FAT3: variants seen among roughly 807,000 people sequenced by gnomAD.
The protein encoded by FAT3 is FAT atypical cadherin 3, also known as protocadherin Fat 3.
In FAT3, 95 loss-of-function variants were observed where a neutral mutation model predicts 310.2. The ratio of observed to expected loss-of-function variants is 0.31; its 90% CI spans 0.26 to 0.36. The LOEUF (loss-of-function observed/expected upper bound fraction) is 0.36, where lower values mean the gene tolerates loss of function less well. Ranked by LOEUF, FAT3 falls within the 10% of genes least tolerant of loss-of-function variation. FAT3 has a pLI of 1.00. For missense variants in FAT3, 5,408 were observed against 5,715.6 expected, an observed-to-expected ratio of 0.95 and a Z score of 1.74; for synonymous variants, 2,314 against 2,192.9, an observed-to-expected ratio of 1.06 and a Z score of -1.54.
At chr11:92,880,506 G>A (rs1949648981) in intron 22 of FAT3, among the ~76,000 whole-genome samples, 1 of 151,954 alleles carries the variant, frequency 6.6e-6, no homozygotes, top group African/African-American at 2.4e-5. Flanking sequence ...ATTCATGTAT[G>A]TGGTTAATTA....
At chr11:92,336,919 T>C (rs550614920) in intron 1 of FAT3, among the ~76,000 whole-genome samples, 2 of 152,272 alleles carry the variant, frequency 1.3e-5, no homozygotes, top group Admixed American at 1.3e-4. Context: ...TATAATAGTA[T>C]TATAACCACT....
Position 92,634,796 on chromosome 11 carries a change from G to A in FAT3, c.3608-62588G>A, listed in dbSNP as rs367560816. Among the ~76,000 whole-genome samples, 35 of 152,298 alleles carry A rather than the reference G, an allele frequency of 2.3e-4. No individual in the cohort carries two copies. In the East Asian group the frequency reaches 2.7e-3, roughly 12 times the overall value. ...CCCCAAAAATTCATATGCTGAAGCC[G>A]AGCCCCCAGTGTGGCTGTATTTGGA... On this transcript the variant is annotated intron_variant, in intron 3 of 27. Transcript: ENST00000525166.
At chr11:92,710,560 T>C (rs1944489676) in intron 4 of FAT3, among the ~76,000 whole-genome samples, 3 of 152,216 alleles carry the variant, frequency 2.0e-5, no homozygotes, top group African/African-American at 2.4e-5. Context: ...GAATTAGAGA[T>C]GCGCTTGTTT....
intron 19 of FAT3, among the ~76,000 whole-genome samples, chr11:92,856,684 A>G (rs1948986920): frequency 6.6e-6 from 1 of 152,190 alleles, no homozygotes; most frequent in Non-Finnish European, 1.5e-5. Flanking sequence ...GGGATTAGGA[A>G]ACAATGTGAG....
At chr11:92,491,138 G>C (rs779042693) in intron 2 of FAT3, among the ~76,000 whole-genome samples, 1 of 151,970 alleles carries the variant, frequency 6.6e-6, no homozygotes, top group Non-Finnish European at 1.5e-5. Flanking sequence ...TTTAATGATT[G>C]ATTCCTCTAC....
chr11:92,281,952 C>A (rs1249528478), intron 1 of FAT3, among the ~76,000 whole-genome samples: 2 of 152,080 alleles, frequency 1.3e-5, no homozygotes, highest in African/African-American at 4.8e-5. Flanking sequence ...CTTGCCCAGA[C>A]TAGAGTGCAG....
At chr11:92,551,018 C>A (rs913465133) in intron 3 of FAT3, among the ~76,000 whole-genome samples, 2 of 151,858 alleles carry the variant, frequency 1.3e-5, no homozygotes, top group Non-Finnish European at 2.9e-5. Flanking sequence ...CGCCCAGTCC[C>A]CGTATTCTGA....
At chr11:92,276,594 A>G (rs1374131207) in intron 1 of FAT3, among the ~76,000 whole-genome samples, 1 of 152,126 alleles carries the variant, frequency 6.6e-6, no homozygotes, top group Non-Finnish European at 1.5e-5. Flanking sequence ...TGCCAGGGGA[A>G]GAACTTCCCC....
chr11:92,560,273 A>G (rs377589178), intron 3 of FAT3, among the ~76,000 whole-genome samples: 1 of 152,160 alleles, frequency 6.6e-6, no homozygotes, highest in African/African-American at 2.4e-5. Flanking sequence ...CTGTTTAAGT[A>G]CTTCAAAATT....
At chr11:92,426,775 G>T (rs1950643928) in intron 2 of FAT3, among the ~76,000 whole-genome samples, 1 of 152,148 alleles carries the variant, frequency 6.6e-6, no homozygotes, top group Admixed American at 6.5e-5. Flanking sequence ...TTTGGTTACT[G>T]TAGCCTTGTA....
intron 3 of FAT3, among the ~76,000 whole-genome samples, chr11:92,690,576 AT>A (rs1159568730): frequency 6.6e-6 from 1 of 152,002 alleles, no homozygotes; most frequent in Admixed American, 6.5e-5. Context: ...TTGTATATAT[AT>A]TTTTTTCTTT....
At chr11:92,816,121 TG>T (rs1310105555) in intron 13 of FAT3, among the ~76,000 whole-genome samples, 1 of 152,202 alleles carries the variant, frequency 6.6e-6, no homozygotes, top group Non-Finnish European at 1.5e-5. Flanking sequence ...TGCTAAGAGT[TG>T]GGACTTGAAC....
chr11:92,588,329 A>G (rs1234788891), intron 3 of FAT3, among the ~76,000 whole-genome samples: 4 of 151,862 alleles, frequency 2.6e-5, no homozygotes, highest in East Asian at 1.9e-4. Flanking sequence ...CAGGGCAGAG[A>G]TGAATTTTTT....
chr11:92,857,317 G>A lies in FAT3; in HGVS notation c.11469G>A (p.Gln3823=), dbSNP rs545125260. 4.3e-5 allele frequency: 69 copies of A among 1,614,020 alleles called. No individual in the cohort carries two copies. The highest frequency in any genetic ancestry group is 5.4e-5 in the Non-Finnish European group (64 of 1,179,890). The change falls in exon 20 of 28, where the codon CAG becomes CAA. Residue 3823 remains glutamine, a synonymous_variant. Coordinates refer to ENST00000525166, the MANE Select transcript of FAT3 (RefSeq NM_001367949.2). ...CCAGCAGGAGACCGTTCCTCTGCCA[G>A]TGTCCACCAGGGAAGCTCGGAGAGT... The part of the protein sequence containing the change: ...YEASRRPFLC[Q]CPPGKLGECS...
At chr11:92,594,805 T>C (rs1939619097) in intron 3 of FAT3, among the ~76,000 whole-genome samples, 1 of 152,192 alleles carries the variant, frequency 6.6e-6, no homozygotes, top group South Asian at 2.1e-4. Flanking sequence ...CTACCCTTGA[T>C]ATTTGCTGCC....
chr11:92,485,371 A>G (rs936634711), intron 2 of FAT3, among the ~76,000 whole-genome samples: 2 of 152,164 alleles, frequency 1.3e-5, no homozygotes, highest in African/African-American at 4.8e-5. Flanking sequence ...AGGGAGACTG[A>G]AGTGCCCCAA....
chr11:92,390,090 T>C (rs1177523006), intron 2 of FAT3, among the ~76,000 whole-genome samples: 2 of 152,176 alleles, frequency 1.3e-5, no homozygotes, highest in African/African-American at 4.8e-5. Flanking sequence ...AGCAAAGTTT[T>C]TGATCTTAAG....
intron 3 of FAT3, among the ~76,000 whole-genome samples, chr11:92,527,789 T>A (rs1953920187): frequency 6.6e-6 from 1 of 152,212 alleles, no homozygotes; most frequent in South Asian, 2.1e-4. Context: ...TTTTCAGTAA[T>A]GAAGCTGGAT....
At chr11:92,386,174 C>G (rs923013510) in intron 2 of FAT3, among the ~76,000 whole-genome samples, 1 of 152,150 alleles carries the variant, frequency 6.6e-6, no homozygotes, top group Non-Finnish European at 1.5e-5. Context: ...CTCATCCTTT[C>G]TACCACCACT....
Sources: gnomAD v4.1 joint callset for allele counts (sites outside exome capture counted in the v4.1 genomes callset) on GRCh38, gnomAD v4.1.1 for gene constraint, MANE v1.5 for transcripts, NCBI Gene and HGNC (gene_info 2026-07-23, HGNC 2026-07-21) for gene names.